PIK3C2G: variants seen among roughly 807,000 people sequenced by gnomAD.
PIK3C2G encodes phosphatidylinositol-4-phosphate 3-kinase catalytic subunit type 2 gamma, also known as phosphatidylinositol 3-kinase C2 domain-containing subunit gamma.
Under a neutral mutation model 181.1 loss-of-function variants are expected in PIK3C2G, and 168 were observed. That is an observed-to-expected ratio of 0.93 (90% CI 0.82 to 1.05). The LOEUF (loss-of-function observed/expected upper bound fraction) is 1.05. Ranked by LOEUF, PIK3C2G falls within the 50% of genes least tolerant of loss-of-function variation. The pLI is 0.00. For missense variants in PIK3C2G, 1,869 were observed against 1,732.8 expected (o/e 1.08, Z -1.40); for synonymous variants, 573 against 592.2 (o/e 0.97, Z 0.47).
intron 32 of PIK3C2G, 125 bp downstream of exon 32, chr12:18,640,679 A>G: frequency 1.1e-6 from 1 of 879,318 alleles, no homozygotes; most frequent in South Asian, 1.7e-5. Context: ...GATATTTTCC[A>G]AAGTAGTCGC....
intron 7 of PIK3C2G, among the ~76,000 whole-genome samples, chr12:18,323,606 A>T (rs1238396393): frequency 2.0e-5 from 3 of 151,826 alleles, no homozygotes; most frequent in Non-Finnish European, 2.9e-5. Context: ...TGCCCTCCTC[A>T]GAACACCGTA....
the PIK3C2G span, among the ~76,000 whole-genome samples, chr12:18,716,803 A>G: frequency 1.4e-4 from 22 of 152,182 alleles, no homozygotes; most frequent in African/African-American, 4.8e-4. Flanking sequence ...AGATTGTGTA[A>G]TGTTACTATT....
chr12:18,267,732 G>A (rs1948564663), intron 1 of PIK3C2G, among the ~76,000 whole-genome samples: 1 of 152,096 alleles, frequency 6.6e-6, no homozygotes, highest in Non-Finnish European at 1.5e-5. Context: ...TTGCTTTCAT[G>A]TCCAATTGAC....
At chr12:18,690,902 G>T in the PIK3C2G span, among the ~76,000 whole-genome samples, 1 of 152,244 alleles carries the variant, frequency 6.6e-6, no homozygotes, top group Non-Finnish European at 1.5e-5. Context: ...GTAGGGCAAG[G>T]CCTGACTAAG....
At chr12:18,275,717 CT>C (rs1166052640) in intron 1 of PIK3C2G, among the ~76,000 whole-genome samples, 1 of 152,148 alleles carries the variant, frequency 6.6e-6, no homozygotes, top group African/African-American at 2.4e-5. Flanking sequence ...TTTCTCCCTT[CT>C]TGTTTTTGGC....
intron 1 of PIK3C2G, among the ~76,000 whole-genome samples, chr12:18,248,673 A>G (rs952963362): frequency 6.6e-6 from 1 of 152,134 alleles, no homozygotes; most frequent in Admixed American, 6.5e-5. Flanking sequence ...TAAGATCATC[A>G]TATTTCTTAT....
At chr12:18,322,273 T>C (rs1951146287) in intron 7 of PIK3C2G, among the ~76,000 whole-genome samples, 1 of 151,798 alleles carries the variant, frequency 6.6e-6, no homozygotes, top group Non-Finnish European at 1.5e-5. Context: ...TCTCAGCTAC[T>C]TGGGAGGCTG....
intron 15 of PIK3C2G, among the ~76,000 whole-genome samples, chr12:18,396,626 T>C (rs945025373): frequency 6.6e-6 from 1 of 151,768 alleles, no homozygotes; most frequent in Non-Finnish European, 1.5e-5. Context: ...GTACAAGATC[T>C]AATTGTGTTC....
chr12:18,623,606 T>G (rs1269193018), intron 31 of PIK3C2G, among the ~76,000 whole-genome samples: 1 of 151,834 alleles, frequency 6.6e-6, no homozygotes, highest in Non-Finnish European at 1.5e-5. Flanking sequence ...GTGTTTGCAC[T>G]GAATCTGTAG....
intron 20 of PIK3C2G, among the ~76,000 whole-genome samples, chr12:18,492,213 A>G (rs1940634040): frequency 6.6e-6 from 1 of 152,196 alleles, no homozygotes; most frequent in Non-Finnish European, 1.5e-5. Flanking sequence ...CCAAGAGTAC[A>G]AAGACACTAA....
rs200582043 is a variant in PIK3C2G, at chr12:18,505,499, G to GT, written c.3323+39dup. 2.9e-3 allele frequency: 4,299 copies of GT among 1,508,002 alleles called. 102 individuals carry two copies. In the African/African-American group the frequency reaches 0.053, roughly 19 times the overall value. 93.4% of individuals were successfully genotyped at this position (1,508,002 alleles called of 1,614,324 possible). The stretch of plus-strand genomic sequence containing the variant: ...ATGTTTATTACAGTAATTAAGCAGT[G>GT]TCCTAAGCAATATGTATAACATGTA... On this transcript the variant is annotated intron_variant, in intron 24 of 32. Transcript: ENST00000538779.
intron 15 of PIK3C2G, among the ~76,000 whole-genome samples, chr12:18,394,898 A>C (rs913266747): frequency 7.9e-5 from 12 of 151,972 alleles, no homozygotes; most frequent in African/African-American, 2.9e-4. Context: ...GCCAAATTTT[A>C]CAAATTTGAT....
rs376605293 is a variant in PIK3C2G at position 18,343,361 on chromosome 12, G to C, written c.1429+1G>C. The stretch of plus-strand genomic sequence containing the variant: ...CAAAGTTCAGAGACTTCAGCAAAAG[G>C]TAAAACATACATGTACTCAAGTATT... On this transcript the variant is annotated splice_donor_variant, in intron 10 of 32. Coordinates refer to ENST00000538779, the MANE Select transcript of PIK3C2G (RefSeq NM_001288772.2). LOFTEE classifies it high-confidence loss of function. 370 of 1,324,596 alleles carry C rather than the reference G, an allele frequency of 2.8e-4. No individual in the cohort carries two copies. Among genetic ancestry groups the C allele is most frequent in the Non-Finnish European group, 3.6e-4 (347 of 953,828 alleles). 82.1% of individuals were successfully genotyped at this position (1,324,596 alleles called of 1,614,324 possible).
At chr12:18,447,040 G>T (rs1947067388) in intron 18 of PIK3C2G, among the ~76,000 whole-genome samples, 1 of 152,078 alleles carries the variant, frequency 6.6e-6, no homozygotes, top group African/African-American at 2.4e-5. Context: ...TCTTCCCACT[G>T]CTCCAAGCTA....
chr12:18,574,015 T>A (rs1946109059), intron 29 of PIK3C2G, among the ~76,000 whole-genome samples: 1 of 152,180 alleles, frequency 6.6e-6, no homozygotes, highest in African/African-American at 2.4e-5. Context: ...ACACGTACTC[T>A]ATATATGCAC....
At chr12:18,598,327 C>T (rs1012608826) in intron 30 of PIK3C2G, among the ~76,000 whole-genome samples, 18 of 151,660 alleles carry the variant, frequency 1.2e-4, no homozygotes, top group Admixed American at 5.3e-4. Flanking sequence ...CAGAACAGAG[C>T]CCTCAGAAAA....
At chr12:18,593,098 T>C (rs1187847666) in intron 29 of PIK3C2G, among the ~76,000 whole-genome samples, 2 of 151,926 alleles carry the variant, frequency 1.3e-5, no homozygotes, top group South Asian at 2.1e-4. Context: ...CTTGTCTTCC[T>C]TCTATGAGTG....
At chr12:18,335,311 A>G (rs1938424574) in intron 8 of PIK3C2G, among the ~76,000 whole-genome samples, 1 of 152,144 alleles carries the variant, frequency 6.6e-6, no homozygotes, top group African/African-American at 2.4e-5. Context: ...CTGAGGATCT[A>G]CATCTAGTCT....
chr12:18,694,868 T>C, the PIK3C2G span: 1 of 1,447,314 alleles, frequency 6.9e-7, no homozygotes, highest in Non-Finnish European at 9.5e-7. Flanking sequence ...ATCTAGTTTA[T>C]ATAATAACCA....
Sources: gnomAD v4.1 joint callset for allele counts (sites outside exome capture counted in the v4.1 genomes callset) on GRCh38, gnomAD v4.1.1 for gene constraint, MANE v1.5 for transcripts, NCBI Gene and HGNC (gene_info 2026-07-23, HGNC 2026-07-21) for gene names.